SACS: variants seen among roughly 807,000 people sequenced by gnomAD.
SACS encodes the protein sacsin molecular chaperone, also known as sacsin.
A neutral mutation model predicts 348.0 loss-of-function variants in SACS; 197 were observed. The ratio of observed to expected loss-of-function variants is 0.57; its 90% CI spans 0.50 to 0.64. SACS has a LOEUF of 0.64. Ranked by LOEUF, SACS falls within the 30% of genes least tolerant of loss-of-function variation. The pLI is 0.00. For synonymous variants in SACS, 1,985 were observed against 1,910.6 expected, an observed-to-expected ratio of 1.04 and a Z score of -1.02; for missense variants, 4,999 against 5,360.8, an observed-to-expected ratio of 0.93 and a Z score of 2.11.
chr13:23,426,774 C>G lies in SACS; in HGVS notation c.-502+6841G>C, dbSNP rs557086447. ...TGCATTCTTCTGAGTTTCTGATTAG[C>G]CTTTCCAACGGAGGCAAATCAGATA... On this transcript the variant is annotated intron_variant, in intron 1 of 9. Coordinates refer to ENST00000382292, the MANE Select transcript of SACS (RefSeq NM_014363.6). Among the ~76,000 whole-genome samples, 14 of 152,228 alleles carry G rather than the reference C, an allele frequency of 9.2e-5. No homozygotes were observed. In the East Asian group the frequency reaches 2.7e-3, roughly 29 times the overall value.
rs200831217 is a variant in SACS at position 23,340,326 on chromosome 13, G to T, written c.3550C>A (p.Pro1184Thr). 1 of 1,613,986 alleles carries T rather than the reference G, an allele frequency of 6.2e-7. No homozygotes were observed. Among genetic ancestry groups the T allele is most frequent in the South Asian group, 1.1e-5 (1 of 91,034 alleles). The change falls in exon 10 of 10, where the codon CCA (proline) becomes ACA (threonine). Residue 1184 changes from proline (P) to threonine (T), a missense_variant. This residue lies in a region of SACS where 3,156 missense variants were observed against 3,380.1 expected (regional missense o/e 0.93). Coordinates refer to ENST00000382292, the MANE Select transcript of SACS (RefSeq NM_014363.6). ...KGDLCNLCAP[P>T]DMCDVGHAIL... ...GCATGGCCTACATCACACATATCTG[G>T]TGGTGCACAGAGATTACAGAGATCT...
At position 23,338,672 on chromosome 13, in the gene SACS, G is replaced by T. The variant is rs767703392; in HGVS notation, c.5204C>A (p.Ala1735Asp). The T allele has an allele frequency of 1.2e-6, 2 of 1,614,116 alleles. No individual in the cohort carries two copies. The highest frequency in any genetic ancestry group is 1.7e-6 in the Non-Finnish European group (2 of 1,180,010). Residue 1735 changes from alanine (A) to aspartate (D), a missense_variant, in exon 10 of 10, where the codon GCT (alanine) becomes GAT (aspartate). Coordinates refer to ENST00000382292, the MANE Select transcript of SACS (RefSeq NM_014363.6). ...NTPVLSVLKE[A>D]AKLMKTCSSS... Reference sequence around the variant, plus strand: ...GCTGCAAGTCTTCATGAGCTTAGCAGCCTCTTTTAAAACACTTAAGACAGG... The same window carrying T: ...GCTGCAAGTCTTCATGAGCTTAGCATCCTCTTTTAAAACACTTAAGACAGG...
intron 1 of SACS, among the ~76,000 whole-genome samples, chr13:23,415,355 C>G (rs1017454352): frequency 1.3e-5 from 2 of 152,036 alleles, no homozygotes; most frequent in Non-Finnish European, 2.9e-5. Flanking sequence ...TTTAATACTA[C>G]TTCTGCCATT....
intron 2 of SACS, among the ~76,000 whole-genome samples, chr13:23,409,536 C>G (rs531697782): frequency 6.7e-6 from 1 of 149,958 alleles, no homozygotes; most frequent in African/African-American, 2.5e-5. Flanking sequence ...TTAGTAAAGA[C>G]GGGGTTTTGC....
Position 23,333,780 on chromosome 13 carries a change from G to T in SACS, c.10096C>A (p.His3366Asn). 2 of 1,613,800 alleles carry T rather than the reference G, an allele frequency of 1.2e-6. No individual in the cohort carries two copies. Among genetic ancestry groups the T allele is most frequent in the Non-Finnish European group, 1.7e-6 (2 of 1,179,824 alleles). The change falls in exon 10 of 10, where the codon CAT becomes AAT. Residue 3366 changes from histidine to asparagine, a missense_variant. Transcript: ENST00000382292. ...ESPTSILKAL[H>N]YMVQTSTFRA... is the part of the protein sequence containing the mutation. ...AATGTTGAAGTTTGGACCATATAAT[G>T]TAGAGCCTTCAAGATGCTTGTGGGG...
Position 23,338,106 on chromosome 13 carries a change from C to A in SACS, c.5770G>T (p.Val1924Leu), listed in dbSNP as rs1329947939. 13 of 1,614,152 alleles carry A rather than the reference C, an allele frequency of 8.1e-6. No homozygotes were observed. The highest frequency in any genetic ancestry group is 1.1e-5 in the Non-Finnish European group (13 of 1,179,992). Residue 1924 changes from valine to leucine, a missense_variant, in exon 10 of 10, where the codon GTA (valine) becomes TTA (leucine). By Grantham distance (32) the Val-to-Leu change is conservative. This residue lies in a region of SACS where 3,156 missense variants were observed against 3,380.1 expected (regional missense o/e 0.93). Coordinates refer to ENST00000382292, the MANE Select transcript of SACS (RefSeq NM_014363.6). ...GCCAGGTCCCGTAAGACACTCAGTA[C>A]CTGTAAGTAAGCTTTCACAATAACA... The part of the protein sequence containing the change: ...RHVIVKAYLQ[V>L]LSVLRDLATS...
chr13:23,379,279 C>T (rs1871944120), intron 2 of SACS, among the ~76,000 whole-genome samples: 1 of 152,218 alleles, frequency 6.6e-6, no homozygotes, highest in South Asian at 2.1e-4. Flanking sequence ...TGTTCCTCTC[C>T]TGTTCATTCA....
At chr13:23,387,474 A>G (rs5802232) in intron 2 of SACS, among the ~76,000 whole-genome samples, 12,533 of 149,090 alleles carry the variant, frequency 0.084, 675 homozygotes, top group East Asian at 0.13. Context: ...AAAAAAAAAA[A>G]AAAAAAAAAA....
Position 23,331,658 on chromosome 13 carries a change from A to G in SACS, c.12218T>C (p.Phe4073Ser), listed in dbSNP as rs755366930. 5 of 1,613,990 alleles carry G rather than the reference A, an allele frequency of 3.1e-6. No individual in the cohort carries two copies. The highest frequency in any genetic ancestry group is 2.2e-5 in the East Asian group (1 of 44,872). Residue 4073 changes from phenylalanine to serine, a missense_variant, in exon 10 of 10, where the codon TTT becomes TCT. Coordinates refer to ENST00000382292, the MANE Select transcript of SACS (RefSeq NM_014363.6). Reference protein sequence around the residue: ...NPIPHSRSETFAFLKRFGNAV... With the variant: ...NPIPHSRSETSAFLKRFGNAV... ...ATTACCAAATCGCTTCAAAAAAGCA[A>G]AAGTTTCACTTCTGCTGTGGGGAAT...
chr13:23,388,608 T>C (rs1055689723), intron 2 of SACS, among the ~76,000 whole-genome samples: 2 of 150,862 alleles, frequency 1.3e-5, no homozygotes, highest in African/African-American at 4.9e-5. Context: ...GGTCATTAAT[T>C]CAAAGCGAAG....
intron 2 of SACS, 28 bp downstream of exon 2, chr13:23,411,192 T>C (rs771126569): frequency 1.9e-6 from 3 of 1,580,486 alleles, no homozygotes; most frequent in African/African-American, 1.3e-5. Context: ...ATGCAAATTA[T>C]TGTCATTTAA....
chr13:23,409,551 T>G (rs2137957583), intron 2 of SACS, among the ~76,000 whole-genome samples: 1 of 150,456 alleles, frequency 6.6e-6, no homozygotes, highest in African/African-American at 2.4e-5. Context: ...TTTTGCCATG[T>G]TGGTCAGGCT....
chr13:23,376,278 G>C (rs1336870443), intron 2 of SACS, among the ~76,000 whole-genome samples: 1 of 152,042 alleles, frequency 6.6e-6, no homozygotes, highest in Non-Finnish European at 1.5e-5. Context: ...ATCGCCCCAC[G>C]ATAAGTAAAG....
chr13:23,375,043 G>A (rs1871653152), intron 3 of SACS, 76 bp downstream of exon 3: 20 of 1,313,862 alleles, frequency 1.5e-5, no homozygotes, highest in Non-Finnish European at 1.9e-5. Flanking sequence ...AACCTGCGTC[G>A]CCCACCCCGG....
chr13:23,375,031 G>A, intron 3 of SACS, 88 bp downstream of exon 3: 1 of 1,284,554 alleles, frequency 7.8e-7, no homozygotes, highest in Admixed American at 4.2e-5. Context: ...GCCGCCCGCG[G>A]AAACCTGCGT....
At chr13:23,343,433 T>A (rs921414306) in intron 9 of SACS, among the ~76,000 whole-genome samples, 3 of 152,148 alleles carry the variant, frequency 2.0e-5, no homozygotes, top group Non-Finnish European at 2.9e-5. Flanking sequence ...ACATCTGTAA[T>A]CCCACCACTT....
At chr13:23,375,605 A>T (rs1871742106) in intron 2 of SACS, 1 of 997,244 alleles carries the variant, frequency 1.0e-6, no homozygotes, top group South Asian at 4.7e-5. Context: ...GCCCGCGGGG[A>T]CACGCCCACC....
chr13:23,330,105 C>G lies in SACS; in HGVS notation c.*31G>C, dbSNP rs776394497. ...CAATTTATTCGTGCTACAACACATT[C>G]AAGATCTACCTTTTTTTTCGTTAAA... On this transcript the variant is annotated 3_prime_UTR_variant, in exon 10 of 10. Coordinates refer to ENST00000382292, the MANE Select transcript of SACS (RefSeq NM_014363.6). The G allele has an allele frequency of 5.0e-6, 8 of 1,591,690 alleles. No individual in the cohort carries two copies. The South Asian group carries it at 8.9e-5, about 18-fold the overall frequency.
At chr13:23,347,418 T>C (rs1262610755) in intron 9 of SACS, among the ~76,000 whole-genome samples, 2 of 152,108 alleles carry the variant, frequency 1.3e-5, no homozygotes, top group Admixed American at 6.5e-5. Context: ...TTTAATCAAC[T>C]GGACTGCTAC....
Sources: gnomAD v4.1 joint callset for allele counts (sites outside exome capture counted in the v4.1 genomes callset) on GRCh38, gnomAD v4.1.1 for gene constraint, gnomAD v4.1.1 regional missense constraint, MANE v1.5 for transcripts, NCBI Gene and HGNC (gene_info 2026-07-23, HGNC 2026-07-21) for gene names.